Variants in CSMD1 observed in about 807,000 individuals in gnomAD.
CSMD1 encodes CUB and Sushi multiple domains 1.
A neutral mutation model predicts 417.5 loss-of-function variants in CSMD1; 213 were observed. That is an observed-to-expected ratio of 0.51 (90% CI 0.46 to 0.57). CSMD1 has a LOEUF of 0.57. Ranked by LOEUF, CSMD1 falls within the 20% of genes least tolerant of loss-of-function variation. The pLI is 0.00. For synonymous variants in CSMD1, 2,862 were observed against 1,736.8 expected, an observed-to-expected ratio of 1.65 and a Z score of -16.11; for missense variants, 6,923 against 4,529.7, an observed-to-expected ratio of 1.53 and a Z score of -15.17.
intron 46 of CSMD1, among the ~76,000 whole-genome samples, chr8:3,102,432 G>A (rs976619838): frequency 6.6e-6 from 1 of 152,188 alleles, no homozygotes; most frequent in Non-Finnish European, 1.5e-5. Flanking sequence ...GTGGAGTGGG[G>A]CTTGGGAAAC....
At chr8:3,199,885 T>A (rs903455783) in intron 32 of CSMD1, 76 bp from the exon 33 acceptor site, 18 of 829,646 alleles carry the variant, frequency 2.2e-5, no homozygotes, top group Non-Finnish European at 3.3e-5. Context: ...AAAATGGTGA[T>A]AAAGTTGAAA....
intron 3 of CSMD1, among the ~76,000 whole-genome samples, chr8:4,294,022 G>C (rs538278448): frequency 1.3e-5 from 2 of 152,258 alleles, no homozygotes; most frequent in Admixed American, 6.5e-5. Context: ...ATAAGAATCA[G>C]GACTTCTGTT....
intron 1 of CSMD1, chr8:4,787,352 G>C (rs1585097460): frequency 2.7e-6 from 2 of 733,508 alleles, no homozygotes; most frequent in Non-Finnish European, 5.0e-6. Flanking sequence ...CTGAGGTACT[G>C]AACACTGGTA....
chr8:3,786,307 C>G (rs951389997), intron 5 of CSMD1, among the ~76,000 whole-genome samples: 2 of 151,990 alleles, frequency 1.3e-5, no homozygotes, highest in Non-Finnish European at 2.9e-5. Context: ...AGGGTGGAGA[C>G]AAAAATCCTC....
intron 25 of CSMD1, among the ~76,000 whole-genome samples, chr8:3,300,078 T>A (rs1216103661): frequency 6.6e-6 from 1 of 152,080 alleles, no homozygotes; most frequent in East Asian, 1.9e-4. Context: ...TCCAAAAGGG[T>A]GTAGTTTAAA....
At chr8:3,944,898 C>G (rs1315151213) in intron 5 of CSMD1, among the ~76,000 whole-genome samples, 2 of 152,224 alleles carry the variant, frequency 1.3e-5, no homozygotes, top group East Asian at 1.9e-4. Flanking sequence ...TAATTCATCC[C>G]CACAATCAGT....
At chr8:4,674,344 A>T (rs1800045239) in intron 1 of CSMD1, among the ~76,000 whole-genome samples, 2 of 152,144 alleles carry the variant, frequency 1.3e-5, no homozygotes, top group Admixed American at 1.3e-4. Flanking sequence ...GGTAAACGCA[A>T]GTGGAAATAG....
chr8:4,198,162 G>C (rs1422787275), intron 3 of CSMD1, among the ~76,000 whole-genome samples: 2 of 152,188 alleles, frequency 1.3e-5, no homozygotes, highest in Non-Finnish European at 2.9e-5. Context: ...CAGCAGTCCC[G>C]AAGCATGATC....
chr8:3,193,002 C>T (rs7816370), intron 33 of CSMD1, among the ~76,000 whole-genome samples: 8 of 151,792 alleles, frequency 5.3e-5, no homozygotes, highest in African/African-American at 1.4e-4. Context: ...CAAAATGAAG[C>T]GCTATTGCCA....
intron 1 of CSMD1, among the ~76,000 whole-genome samples, chr8:4,758,342 G>C (rs1030281997): frequency 9.2e-5 from 14 of 152,118 alleles, no homozygotes; most frequent in African/African-American, 3.1e-4. Context: ...GTGTTATTTA[G>C]AATTTGCCTC....
intron 1 of CSMD1, among the ~76,000 whole-genome samples, chr8:4,730,801 GT>G (rs1453929335): frequency 6.6e-6 from 1 of 151,960 alleles, no homozygotes; most frequent in African/African-American, 2.4e-5. Context: ...AGACGGAGAA[GT>G]TGCTGATTTT....
chr8:3,735,777 C>A (rs1796495971), intron 6 of CSMD1, among the ~76,000 whole-genome samples: 1 of 152,218 alleles, frequency 6.6e-6, no homozygotes, highest in African/African-American at 2.4e-5. Flanking sequence ...GCAGATACCA[C>A]ACATGCTCCT....
intron 5 of CSMD1, among the ~76,000 whole-genome samples, chr8:3,842,434 A>T (rs953289780): frequency 6.6e-6 from 1 of 152,194 alleles, no homozygotes; most frequent in East Asian, 1.9e-4. Context: ...ACTATATTTT[A>T]AACAGATGTT....
At chr8:4,607,321 T>C (rs934439155) in intron 2 of CSMD1, among the ~76,000 whole-genome samples, 4 of 151,972 alleles carry the variant, frequency 2.6e-5, no homozygotes, top group Non-Finnish European at 4.4e-5. Context: ...TATCAGAATG[T>C]TAAGGGTTAG....
At chr8:3,836,731 G>A (rs1236928472) in intron 5 of CSMD1, among the ~76,000 whole-genome samples, 1 of 152,054 alleles carries the variant, frequency 6.6e-6, no homozygotes, top group Non-Finnish European at 1.5e-5. Context: ...AGAGTTTCAA[G>A]AGACAATGAA....
chr8:3,405,301 T>C (rs1453575857), intron 15 of CSMD1, among the ~76,000 whole-genome samples: 1 of 152,246 alleles, frequency 6.6e-6, no homozygotes, highest in Admixed American at 6.5e-5. Context: ...TGTGAACATA[T>C]ACTCTAAGTA....
At chr8:4,986,923 A>C (rs1456061191) in intron 1 of CSMD1, among the ~76,000 whole-genome samples, 1 of 152,194 alleles carries the variant, frequency 6.6e-6, no homozygotes, top group Non-Finnish European at 1.5e-5. Flanking sequence ...GAAGGTAGAG[A>C]GATGACAGAT....
chr8:4,927,355 G>A (rs1806940072), intron 1 of CSMD1, among the ~76,000 whole-genome samples: 1 of 151,976 alleles, frequency 6.6e-6, no homozygotes, highest in South Asian at 2.1e-4. Context: ...ACCACGCCCG[G>A]CCAAATGCAT....
In CSMD1 at chr8:3,255,079, T is replaced by C. The variant is rs112130731; in HGVS notation, c.4154-24848A>G. 2.9e-3 allele frequency among the ~76,000 whole-genome samples: 441 copies of C among 152,324 alleles called. 2 individuals carry two copies. Among genetic ancestry groups the C allele is most frequent in the African/African-American group, 0.01 (420 of 41,564 alleles). ...GGATGTCCTTCCTGTTTGTTAGTTT[T>C]CATTGTAACAGTCAGGACCCTCAGC... On this transcript the variant is annotated intron_variant, in intron 26 of 69. Transcript: ENST00000635120.
Sources: gnomAD v4.1 joint callset for allele counts (sites outside exome capture counted in the v4.1 genomes callset) on GRCh38, gnomAD v4.1.1 for gene constraint, MANE v1.5 for transcripts, NCBI Gene and HGNC (gene_info 2026-07-23, HGNC 2026-07-21) for gene names.